The following MKX variants were observed in gnomAD, a reference collection of about 807,000 sequenced individuals.
MKX encodes the protein mohawk homeobox.
Under a neutral mutation model 36.0 loss-of-function variants are expected in MKX, and 13 were observed. That is an observed-to-expected ratio of 0.36 (90% confidence interval 0.24 to 0.57). MKX has a LOEUF of 0.57. Among genes scored for constraint, MKX ranks in the 20% least tolerant of loss-of-function variants. The pLI is 0.79. For synonymous variants in MKX, 176 were observed against 178.3 expected, an observed-to-expected ratio of 0.99 and a Z score of 0.10; for missense variants, 458 against 456.4, an observed-to-expected ratio of 1.00 and a Z score of -0.03.
chr10:27,694,100 C>A (rs1836503424), intron 5 of MKX, among the ~76,000 whole-genome samples: 1 of 152,174 alleles, frequency 6.6e-6, no homozygotes, highest in Non-Finnish European at 1.5e-5. Context: ...AACTGGGAGT[C>A]CATTAAACCT....
chr10:27,696,681 A>G (rs1460590289), intron 5 of MKX, among the ~76,000 whole-genome samples: 1 of 152,092 alleles, frequency 6.6e-6, no homozygotes, highest in Admixed American at 6.5e-5. Flanking sequence ...GAACGTGCAT[A>G]CCAAGGCTAA....
At chr10:27,678,218 C>T (rs1383806958) in intron 5 of MKX, among the ~76,000 whole-genome samples, 1 of 152,050 alleles carries the variant, frequency 6.6e-6, no homozygotes, top group African/African-American at 2.4e-5. Flanking sequence ...AGAGACAAGG[C>T]GCTACCAGAA....
Position 27,675,370 on chromosome 10 carries a change from C to T in MKX, c.918G>A (p.Lys306=). Residue 306 remains lysine (K), a synonymous_variant, in exon 7 of 7, where the codon AAG becomes AAA. Transcript: ENST00000419761. ...KGPSKDDTYW[K]EINAAMALTN... is the part of the protein sequence containing the mutation. ...TTAAGGCCATAGCTGCGTTGATCTCCTTCCAATACGTGTCATCCTTGCTTG... is the reference window on the plus strand; with the variant it reads ...TTAAGGCCATAGCTGCGTTGATCTCTTTCCAATACGTGTCATCCTTGCTTG... 1 of 1,614,188 alleles carries T rather than the reference C, an allele frequency of 6.2e-7. No homozygotes were observed. The highest frequency in any genetic ancestry group is 1.1e-5 in the South Asian group (1 of 91,084).
At position 27,726,189 on chromosome 10, in the gene MKX, G is replaced by A. The variant is rs186378312; in HGVS notation, c.838+8267C>T. Among the ~76,000 whole-genome samples, 281 of 152,270 alleles carry A rather than the reference G, an allele frequency of 1.8e-3. 2 individuals carry two copies. Among genetic ancestry groups the A allele is most frequent in the Non-Finnish European group, 8.5e-4 (58 of 68,008 alleles). On this transcript the variant is annotated intron_variant, in intron 5 of 6. Coordinates refer to ENST00000419761, the MANE Select transcript of MKX (RefSeq NM_173576.3). ...TGCCTTTGTAAGATCAAAACTTAAC[G>A]TTGGTAAACTTGTTCTTAACAGGAA... is the stretch of plus-strand genomic sequence containing the variant.
At chr10:27,700,425 T>G (rs900832113) in intron 5 of MKX, among the ~76,000 whole-genome samples, 3 of 152,222 alleles carry the variant, frequency 2.0e-5, no homozygotes, top group Non-Finnish European at 4.4e-5. Context: ...AGACTACATC[T>G]TGGAGTAATG....
intron 5 of MKX, among the ~76,000 whole-genome samples, chr10:27,686,318 C>T (rs562164891): frequency 2.7e-5 from 4 of 147,314 alleles, no homozygotes; most frequent in African/African-American, 1.0e-4. Flanking sequence ...GAGAGGCATC[C>T]GAAATTATTT....
chr10:27,743,723 T>TC (rs998770645), intron 1 of MKX, among the ~76,000 whole-genome samples: 8 of 151,584 alleles, frequency 5.3e-5, no homozygotes, highest in African/African-American at 1.9e-4. Flanking sequence ...GGGCGATCGA[T>TC]CCCCCCAATC....
chr10:27,716,187 A>T (rs1836960577), intron 5 of MKX, among the ~76,000 whole-genome samples: 1 of 152,194 alleles, frequency 6.6e-6, no homozygotes, highest in Non-Finnish European at 1.5e-5. Context: ...CAAGTGTAGC[A>T]CATAGCACAA....
chr10:27,675,878 G>A (rs1204319036), intron 5 of MKX, among the ~76,000 whole-genome samples: 1 of 152,186 alleles, frequency 6.6e-6, no homozygotes, highest in African/African-American at 2.4e-5. Context: ...TGTACCTGGG[G>A]CCAGGTTCTG....
chr10:27,687,239 C>G (rs903465160), intron 5 of MKX, among the ~76,000 whole-genome samples: 2 of 151,954 alleles, frequency 1.3e-5, no homozygotes, highest in African/African-American at 4.8e-5. Flanking sequence ...CACATGACCT[C>G]GTGATCCACC....
At chr10:27,704,887 A>G (rs186903637) in intron 5 of MKX, among the ~76,000 whole-genome samples, 1 of 152,336 alleles carries the variant, frequency 6.6e-6, no homozygotes, top group East Asian at 1.9e-4. Context: ...AAAAATCTTT[A>G]TTAAAATAAA....
At chr10:27,701,990 T>C (rs1836667204) in intron 5 of MKX, among the ~76,000 whole-genome samples, 1 of 152,026 alleles carries the variant, frequency 6.6e-6, no homozygotes, top group African/African-American at 2.4e-5. Context: ...GACTAGAATG[T>C]CCTCCTCCTA....
intron 5 of MKX, among the ~76,000 whole-genome samples, chr10:27,727,180 T>C (rs2132625796): frequency 6.6e-6 from 1 of 152,340 alleles, no homozygotes; most frequent in Admixed American, 6.5e-5. Context: ...CCCTAAAATA[T>C]CTGTACAGTT....
At position 27,742,456 on chromosome 10, in the gene MKX, C is replaced by T. The variant is rs1246031167; in HGVS notation, c.188+772G>A. On this transcript the variant is annotated intron_variant, in intron 2 of 6. Coordinates refer to ENST00000419761, the MANE Select transcript of MKX (RefSeq NM_173576.3). This position sits in a 1 kb window ranked among gnomAD's most constrained non-coding sequence, Gnocchi z 4.2. ...ACCGAATCTCTGTTTTACTAAGCAG[C>T]GACGCCGCAGAACAAGCAGCTGATG... 6.6e-6 allele frequency among the ~76,000 whole-genome samples: 1 copy of T among 152,146 alleles called. No homozygotes were observed. Among genetic ancestry groups the T allele is most frequent in the Non-Finnish European group, 1.5e-5 (1 of 68,012 alleles).
In MKX at chr10:27,722,215, C is replaced by A. The variant is rs1407152705; in HGVS notation, c.838+12241G>T. Among the ~76,000 whole-genome samples the A allele has an allele frequency of 2.0e-5, 3 of 152,270 alleles. No homozygotes were observed. The East Asian group carries it at 5.8e-4, about 29-fold the overall frequency. ...GACATCTACCCTCTTGGCCTCCTAC[C>A]CCATGGTCAGAGCCCAACACCCCCA... On this transcript the variant is annotated intron_variant, in intron 5 of 6. Coordinates refer to ENST00000419761, the MANE Select transcript of MKX (RefSeq NM_173576.3).
At chr10:27,699,541 A>C (rs759408296) in intron 5 of MKX, among the ~76,000 whole-genome samples, 1 of 152,246 alleles carries the variant, frequency 6.6e-6, no homozygotes, top group Non-Finnish European at 1.5e-5. Flanking sequence ...TGCTATTGGC[A>C]TATGGAACCA....
intron 5 of MKX, among the ~76,000 whole-genome samples, chr10:27,732,269 G>A (rs1005789974): frequency 1.3e-5 from 2 of 152,020 alleles, no homozygotes; most frequent in African/African-American, 2.4e-5. Context: ...AAAAGAAATG[G>A]ATGTATTAAG....
At chr10:27,688,311 T>G (rs1836393322) in intron 5 of MKX, among the ~76,000 whole-genome samples, 1 of 152,170 alleles carries the variant, frequency 6.6e-6, no homozygotes, top group Admixed American at 6.5e-5. Context: ...ATGAAAACCA[T>G]TATGTAAGGA....
At chr10:27,687,256 G>A (rs1365183790) in intron 5 of MKX, among the ~76,000 whole-genome samples, 2 of 152,034 alleles carry the variant, frequency 1.3e-5, no homozygotes, top group Non-Finnish European at 2.9e-5. Flanking sequence ...CACCCGCCTC[G>A]CCCTCCCAAA....
Sources: allele counts gnomAD v4.1 joint callset (sites outside exome capture counted in the v4.1 genomes callset), GRCh38; gene constraint gnomAD v4.1.1; non-coding constraint Gnocchi (gnomAD v3.1); transcripts MANE v1.5; gene names NCBI Gene and HGNC (gene_info 2026-07-23, HGNC 2026-07-21).